Variants in LHFPL3 observed in about 807,000 individuals in gnomAD.
The protein encoded by LHFPL3 is LHFPL tetraspan subfamily member 3, also known as LHFPL tetraspan subfamily member 3 protein.
Under a neutral mutation model 19.3 loss-of-function variants are expected in LHFPL3, and 5 were observed. That is an observed-to-expected ratio of 0.26 (90% CI 0.14 to 0.54). LHFPL3 has a LOEUF of 0.54. LHFPL3 is among the 20% of genes least tolerant of loss of function. LHFPL3 has a pLI of 0.94. For missense variants in LHFPL3, 249 were observed against 307.4 expected, an observed-to-expected ratio of 0.81 and a Z score of 1.42; for synonymous variants, 133 against 126.2, an observed-to-expected ratio of 1.05 and a Z score of -0.36.
intron 1 of LHFPL3, among the ~76,000 whole-genome samples, chr7:104,485,165 C>T (rs143247125): frequency 3.6e-3 from 543 of 152,000 alleles, no homozygotes; most frequent in Non-Finnish European, 5.7e-3. Context: ...TCCTGTCTCC[C>T]GTATCTTATT....
intron 2 of LHFPL3, among the ~76,000 whole-genome samples, chr7:104,813,458 G>A (rs1584549059): frequency 1.3e-5 from 2 of 152,196 alleles, no homozygotes; most frequent in Non-Finnish European, 2.9e-5. Context: ...TCTGTGGCTA[G>A]TGGCACCTTT....
chr7:104,468,126 A>G (rs940277978), intron 1 of LHFPL3, among the ~76,000 whole-genome samples: 2 of 152,236 alleles, frequency 1.3e-5, no homozygotes, highest in African/African-American at 4.8e-5. Context: ...TCAATATCAA[A>G]CTGCCACTGC....
chr7:104,502,650 T>G (rs548970722), intron 1 of LHFPL3, among the ~76,000 whole-genome samples: 27 of 152,220 alleles, frequency 1.8e-4, no homozygotes, highest in Non-Finnish European at 4.4e-5. Flanking sequence ...CACCTCCCAA[T>G]GTATTTGTGC....
chr7:104,541,103 GACACACACAC>G (rs58831498), intron 1 of LHFPL3, among the ~76,000 whole-genome samples: 2,392 of 134,608 alleles, frequency 0.018, 66 homozygotes, highest in African/African-American at 0.059. Flanking sequence ...TCCTCCCCAT[GACACACACAC>G]ACACACACAC....
chr7:104,338,331 C>T (rs149323012), intron 1 of LHFPL3, among the ~76,000 whole-genome samples: 2,208 of 152,112 alleles, frequency 0.015, 22 homozygotes, highest in Non-Finnish European at 0.02. Context: ...GATCTCCTGA[C>T]CTCGTGATCT....
intron 1 of LHFPL3, among the ~76,000 whole-genome samples, chr7:104,698,859 C>T (rs1447045126): frequency 6.6e-6 from 1 of 152,126 alleles, no homozygotes; most frequent in Non-Finnish European, 1.5e-5. Context: ...TCAAAAAAGA[C>T]CGATATTTTA....
intron 1 of LHFPL3, among the ~76,000 whole-genome samples, chr7:104,626,697 G>A (rs1791551954): frequency 6.6e-6 from 1 of 152,182 alleles, no homozygotes; most frequent in Non-Finnish European, 1.5e-5. Context: ...ACCTCTGCAG[G>A]AGGAAGTAGA....
chr7:104,545,313 C>G (rs1191512644), intron 1 of LHFPL3, among the ~76,000 whole-genome samples: 1 of 152,174 alleles, frequency 6.6e-6, no homozygotes, highest in Non-Finnish European at 1.5e-5. Context: ...GGTTGTTTCA[C>G]CTCTGAATAG....
intron 2 of LHFPL3, among the ~76,000 whole-genome samples, chr7:104,839,738 G>A (rs914560558): frequency 1.3e-5 from 2 of 152,168 alleles, no homozygotes; most frequent in African/African-American, 4.8e-5. Context: ...GCTCGCACCT[G>A]TAACACTTGC....
intron 1 of LHFPL3, among the ~76,000 whole-genome samples, chr7:104,352,778 G>A (rs958706704): frequency 2.0e-5 from 3 of 152,222 alleles, no homozygotes; most frequent in African/African-American, 4.8e-5. Context: ...GACAGTTCAC[G>A]TGACCTCACT....
At chr7:104,864,754 C>G (rs962125296) in intron 2 of LHFPL3, among the ~76,000 whole-genome samples, 3 of 152,198 alleles carry the variant, frequency 2.0e-5, no homozygotes, top group African/African-American at 7.2e-5. Flanking sequence ...GTGGTTCTAC[C>G]AGCACACAGC....
chr7:104,692,088 A>C (rs1336425913), intron 1 of LHFPL3, among the ~76,000 whole-genome samples: 2 of 152,182 alleles, frequency 1.3e-5, no homozygotes, highest in African/African-American at 2.4e-5. Context: ...GAGAGAGATG[A>C]TTTAGGGTAT....
intron 1 of LHFPL3, among the ~76,000 whole-genome samples, chr7:104,480,026 T>C (rs895181838): frequency 6.6e-6 from 1 of 152,254 alleles, no homozygotes; most frequent in Non-Finnish European, 1.5e-5. Flanking sequence ...TTAAATGGTA[T>C]ATATTCATCA....
chr7:104,718,681 G>T (rs1434810176), intron 1 of LHFPL3, among the ~76,000 whole-genome samples: 2 of 152,266 alleles, frequency 1.3e-5, no homozygotes, highest in African/African-American at 4.8e-5. Flanking sequence ...AAAAGTAATG[G>T]CACAAGCAAA....
chr7:104,365,503 C>T lies in LHFPL3; in HGVS notation c.445+36279C>T, dbSNP rs575090745. Among the ~76,000 whole-genome samples the T allele has an allele frequency of 6.0e-4, 90 of 151,062 alleles. 1 individual carries two copies. Among genetic ancestry groups the T allele is most frequent in the African/African-American group, 1.9e-3 (79 of 41,150 alleles). ...CATCAACAAGATGAAAAGCCTCGGC[C>T]GGGCGCGGTGGCTCACGCCTGTAAT... On this transcript the variant is annotated intron_variant, in intron 1 of 2. Coordinates refer to ENST00000424859, the MANE Select transcript of LHFPL3 (RefSeq NM_199000.3).
chr7:104,536,470 C>T (rs1168510121), intron 1 of LHFPL3, among the ~76,000 whole-genome samples: 9 of 152,172 alleles, frequency 5.9e-5, no homozygotes, highest in Admixed American at 5.9e-4. Context: ...TCATTTTCCC[C>T]CACGTATGAT....
intron 2 of LHFPL3, among the ~76,000 whole-genome samples, chr7:104,852,880 T>G (rs933208270): frequency 2.0e-5 from 3 of 151,574 alleles, no homozygotes; most frequent in African/African-American, 7.3e-5. Flanking sequence ...ACCCCCACCT[T>G]CCGGCAGATG....
At chr7:104,436,818 A>G (rs1318742240) in intron 1 of LHFPL3, among the ~76,000 whole-genome samples, 2 of 152,206 alleles carry the variant, frequency 1.3e-5, no homozygotes, top group Non-Finnish European at 2.9e-5. Context: ...CTTGCAAACT[A>G]TTTAGATAAC....
At chr7:104,795,311 C>T (rs1263084160) in intron 2 of LHFPL3, among the ~76,000 whole-genome samples, 2 of 152,240 alleles carry the variant, frequency 1.3e-5, no homozygotes, top group Non-Finnish European at 2.9e-5. Flanking sequence ...TTGACCCATC[C>T]TCCTTCCCAT....
Sources: gnomAD v4.1 joint callset for allele counts (sites outside exome capture counted in the v4.1 genomes callset) on GRCh38, gnomAD v4.1.1 for gene constraint, MANE v1.5 for transcripts, NCBI Gene and HGNC (gene_info 2026-07-23, HGNC 2026-07-21) for gene names.